BCAR3: variants seen among roughly 807,000 people sequenced by gnomAD.
BCAR3 encodes the protein BCAR3 adaptor protein, NSP family member, also known as breast cancer anti-estrogen resistance protein 3.
Under a neutral mutation model 80.1 loss-of-function variants are expected in BCAR3, and 37 were observed. That is an observed-to-expected ratio of 0.46 (90% CI 0.36 to 0.61). The LOEUF (loss-of-function observed/expected upper bound fraction) is 0.61, where lower values mean the gene tolerates loss of function less well. Among genes scored for constraint, BCAR3 ranks in the 20% least tolerant of loss-of-function variants. The probability of loss-of-function intolerance (pLI) is 0.00; values close to 1 mark genes in which losing one functional copy is unlikely to be tolerated. For synonymous variants in BCAR3, 389 were observed against 418.9 expected, an observed-to-expected ratio of 0.93 and a Z score of 0.87; for missense variants, 978 against 1,068.2, an observed-to-expected ratio of 0.92 and a Z score of 1.18.
At chr1:93,611,750 C>T (rs1674956737) in intron 3 of BCAR3, among the ~76,000 whole-genome samples, 1 of 152,228 alleles carries the variant, frequency 6.6e-6, no homozygotes, top group Non-Finnish European at 1.5e-5. Context: ...CCTGTATAAT[C>T]ATTCTCCTAT....
chr1:93,733,379 A>C (rs1650861633), intron 2 of BCAR3, among the ~76,000 whole-genome samples: 1 of 152,050 alleles, frequency 6.6e-6, no homozygotes, highest in Non-Finnish European at 1.5e-5. Flanking sequence ...TGGGCAGGAC[A>C]GTGGAGGGGG....
In BCAR3 at chr1:93,708,937, G is replaced by T. The variant is rs145291385; in HGVS notation, c.-62-2795C>A. On this transcript the variant is annotated intron_variant, in intron 2 of 13. Coordinates refer to the BCAR3 transcript ENST00000370244. The stretch of plus-strand genomic sequence containing the variant: ...ATTCAGATGATTTCTGTTGATGCTC[G>T]TGGGGATCAGCTTCTAAGCTTCGGG... 3.0e-3 allele frequency among the ~76,000 whole-genome samples: 460 copies of T among 152,296 alleles called. 2 individuals carry two copies. Among genetic ancestry groups the T allele is most frequent in the African/African-American group, 0.01 (423 of 41,544 alleles).
chr1:93,733,443 G>A (rs1025353391), intron 2 of BCAR3, among the ~76,000 whole-genome samples: 2 of 152,204 alleles, frequency 1.3e-5, no homozygotes, highest in African/African-American at 2.4e-5. Context: ...GGAGGGTTGC[G>A]CTGGGGGTAA....
At chr1:93,844,996 C>A (rs1400294240) in intron 2 of BCAR3, among the ~76,000 whole-genome samples, 3 of 152,128 alleles carry the variant, frequency 2.0e-5, no homozygotes, top group Non-Finnish European at 4.4e-5. Flanking sequence ...TTCCATGATA[C>A]AGGAATTTTT....
chr1:93,674,349 G>A (rs1307769623), intron 2 of BCAR3, among the ~76,000 whole-genome samples: 2 of 152,142 alleles, frequency 1.3e-5, no homozygotes, highest in African/African-American at 2.4e-5. Context: ...TCTGCCTCCC[G>A]GATTCAAGTG....
chr1:93,845,473 T>TC (rs1483472255), intron 2 of BCAR3: 48 of 1,670 alleles, frequency 0.029, 3 homozygotes, highest in African/African-American at 0.084. Flanking sequence ...TATATATATA[T>TC]ATATATATAT....
intron 2 of BCAR3, among the ~76,000 whole-genome samples, chr1:93,808,837 G>A (rs1026029550): frequency 6.6e-6 from 1 of 152,094 alleles, no homozygotes; most frequent in African/African-American, 2.4e-5. Flanking sequence ...TATTGGGTAG[G>A]GACATTGGTT....
intron 1 of BCAR3, among the ~76,000 whole-genome samples, chr1:93,676,629 C>A (rs1193124319): frequency 6.6e-6 from 1 of 152,204 alleles, no homozygotes; most frequent in Non-Finnish European, 1.5e-5. Context: ...TCAATGCTAA[C>A]CATCCTTATT....
chr1:93,598,186 C>G (rs1348887498), intron 3 of BCAR3, among the ~76,000 whole-genome samples: 1 of 152,136 alleles, frequency 6.6e-6, no homozygotes, highest in Non-Finnish European at 1.5e-5. Flanking sequence ...GCATCAGAGC[C>G]TGCATTTCAA....
At chr1:93,688,520 C>G (rs529788304) in intron 3 of BCAR3, among the ~76,000 whole-genome samples, 17 of 152,200 alleles carry the variant, frequency 1.1e-4, no homozygotes, top group African/African-American at 4.1e-4. Flanking sequence ...ATTTACACAG[C>G]TTTCCTTTCC....
intron 2 of BCAR3, among the ~76,000 whole-genome samples, chr1:93,758,831 G>T (rs12408629): frequency 0.098 from 14,992 of 152,212 alleles, 950 homozygotes; most frequent in East Asian, 0.19. Context: ...GAGGGACAGT[G>T]GGTGGCAACT....
In BCAR3 at chr1:93,757,751, G is replaced by A. The variant is rs1398773588; in HGVS notation, c.-62-51609C>T. On this transcript the variant is annotated intron_variant, in intron 2 of 13. Transcript: ENST00000370244. Reference sequence around the variant, plus strand: ...CCCACCACACAGCTTCCTTGCTGGTGTGAGAGTAGCCTGCAGAATGCACAT... The same window carrying A: ...CCCACCACACAGCTTCCTTGCTGGTATGAGAGTAGCCTGCAGAATGCACAT... Among the ~76,000 whole-genome samples, 12 of 152,350 alleles carry A rather than the reference G, an allele frequency of 7.9e-5. No individual in the cohort carries two copies. The East Asian group carries it at 2.3e-3, about 29-fold the overall frequency.
chr1:93,577,693 C>T (rs930322111), intron 7 of BCAR3, among the ~76,000 whole-genome samples: 9 of 152,344 alleles, frequency 5.9e-5, no homozygotes, highest in Admixed American at 1.3e-4. Context: ...GCAGCCCAGA[C>T]GCACGCCATG....
At chr1:93,750,901 G>A (rs1030699511) in intron 2 of BCAR3, among the ~76,000 whole-genome samples, 1 of 152,172 alleles carries the variant, frequency 6.6e-6, no homozygotes, top group Admixed American at 6.5e-5. Context: ...CCTCTTTGCT[G>A]TGCCATTTCT....
At chr1:93,596,121 C>T (rs412156) in intron 3 of BCAR3, among the ~76,000 whole-genome samples, 35 of 152,200 alleles carry the variant, frequency 2.3e-4, no homozygotes, top group Non-Finnish European at 4.3e-4. Flanking sequence ...GATCTAAGTT[C>T]TAATTTATTC....
chr1:93,675,775 G>A (rs1648448641), intron 1 of BCAR3, among the ~76,000 whole-genome samples: 1 of 152,030 alleles, frequency 6.6e-6, no homozygotes, highest in South Asian at 2.1e-4. Context: ...AAGTAGCCCC[G>A]ACACTCTCTC....
chr1:93,626,472 G>A (rs1164659252), intron 3 of BCAR3, among the ~76,000 whole-genome samples: 1 of 152,182 alleles, frequency 6.6e-6, no homozygotes, highest in Non-Finnish European at 1.5e-5. Context: ...AGGCTGGGGG[G>A]TCTTCTGGGG....
At position 93,567,732 on chromosome 1, in the gene BCAR3, G is replaced by C. The variant is rs758665754; in HGVS notation, c.2086+8C>G. The stretch of plus-strand genomic sequence containing the variant: ...GTAGCCCCATGCTTGCTCTGCCCAC[G>C]TGCTCACCTCTGCCTTCATGCAGGA... On this transcript the variant is annotated splice_region_variant and intron_variant, in intron 10 of 11. Coordinates refer to ENST00000260502, the MANE Select transcript of BCAR3 (RefSeq NM_003567.4). 6.2e-7 allele frequency: 1 copy of C among 1,610,366 alleles called. No homozygotes were observed. Among genetic ancestry groups the C allele is most frequent in the Non-Finnish European group, 8.5e-7 (1 of 1,176,690 alleles).
intron 2 of BCAR3, among the ~76,000 whole-genome samples, chr1:93,770,499 A>G (rs1652320844): frequency 6.6e-6 from 1 of 152,106 alleles, no homozygotes; most frequent in Admixed American, 6.6e-5. Flanking sequence ...TCAGAGGCAA[A>G]CATTTTTTTG....
Sources: allele counts gnomAD v4.1 joint callset (sites outside exome capture counted in the v4.1 genomes callset), GRCh38; gene constraint gnomAD v4.1.1; transcripts MANE v1.5; gene names NCBI Gene and HGNC (gene_info 2026-07-23, HGNC 2026-07-21).